The following TRDN variants were observed in gnomAD, a reference collection of about 807,000 sequenced individuals.
TRDN encodes triadin in skeletal muscle.
In TRDN, 161 loss-of-function variants were observed where a neutral mutation model predicts 149.7. The ratio of observed to expected loss-of-function variants is 1.08; its 90% confidence interval spans 0.95 to 1.23. The LOEUF (loss-of-function observed/expected upper bound fraction) is 1.23, where lower values mean the gene tolerates loss of function less well. Among genes scored for constraint, TRDN ranks in the 50% most tolerant of loss-of-function variants. The pLI, the probability that TRDN is intolerant of heterozygous loss-of-function variation, is 0.00. For missense variants in TRDN, 896 were observed against 823.5 expected (o/e 1.09, Z -1.08); for synonymous variants, 294 against 250.5 (o/e 1.17, Z -1.64).
intron 1 of TRDN, among the ~76,000 whole-genome samples, chr6:123,622,423 T>C (rs1012127947): frequency 2.0e-5 from 3 of 151,952 alleles, no homozygotes; most frequent in Non-Finnish European, 4.4e-5. Flanking sequence ...TGGTCAACAG[T>C]AGGCTATTAA....
chr6:123,251,428 T>A (rs549383574), intron 38 of TRDN, among the ~76,000 whole-genome samples: 1 of 152,026 alleles, frequency 6.6e-6, no homozygotes, highest in Admixed American at 6.6e-5. Flanking sequence ...AAAAAAAGAA[T>A]GTAGGGATAA....
At chr6:123,527,937 A>C (rs1780031685) in intron 5 of TRDN, among the ~76,000 whole-genome samples, 1 of 151,904 alleles carries the variant, frequency 6.6e-6, no homozygotes, top group Admixed American at 6.6e-5. Context: ...GTAAACCTTA[A>C]CTAACATGTC....
intron 21 of TRDN, among the ~76,000 whole-genome samples, chr6:123,341,086 TA>T (rs1449339252): frequency 6.6e-6 from 1 of 151,890 alleles, no homozygotes; most frequent in Admixed American, 6.6e-5. Context: ...CTCCAACATA[TA>T]AAATTTATAA....
chr6:123,620,670 A>C (rs1446398708), intron 1 of TRDN, among the ~76,000 whole-genome samples: 1 of 152,162 alleles, frequency 6.6e-6, no homozygotes, highest in Non-Finnish European at 1.5e-5. Flanking sequence ...CTTCCGTTAA[A>C]TTGAATATTG....
Position 123,556,468 on chromosome 6 carries a change from A to G in TRDN, c.233-7856T>C, listed in dbSNP as rs148508813. Among the ~76,000 whole-genome samples the G allele has an allele frequency of 4.3e-4, 66 of 152,300 alleles. 1 individual carries two copies. Among genetic ancestry groups the G allele is most frequent in the African/African-American group, 1.6e-3 (66 of 41,568 alleles). On this transcript the variant is annotated intron_variant, in intron 2 of 40. Coordinates refer to ENST00000334268, the MANE Select transcript of TRDN (RefSeq NM_006073.4). ...TAAAAGTTGGGTTAATAAAATTCCC[A>G]TGGTGCTTCTAATATTAACTTCACT...
At chr6:123,406,564 A>T (rs1191984431) in intron 12 of TRDN, among the ~76,000 whole-genome samples, 1 of 151,740 alleles carries the variant, frequency 6.6e-6, no homozygotes, top group African/African-American at 2.4e-5. Context: ...ATATAATATT[A>T]AATTTTATTT....
intron 23 of TRDN, among the ~76,000 whole-genome samples, chr6:123,321,375 A>T (rs1215815862): frequency 2.0e-5 from 3 of 151,736 alleles, no homozygotes; most frequent in African/African-American, 4.8e-5. Flanking sequence ...TTTTAAAATT[A>T]AAAAAAACAT....
At chr6:123,377,617 C>T (rs1781557741) in intron 18 of TRDN, 99 bp downstream of exon 18, 2 of 1,378,302 alleles carry the variant, frequency 1.5e-6, no homozygotes, top group East Asian at 4.6e-5. Flanking sequence ...AAGCATTCCC[C>T]ACCCTTTACT....
chr6:123,435,440 T>C (rs946146760), intron 12 of TRDN, among the ~76,000 whole-genome samples: 1 of 151,892 alleles, frequency 6.6e-6, no homozygotes, highest in Non-Finnish European at 1.5e-5. Flanking sequence ...AAAGAATTAT[T>C]AAACCCTAAA....
chr6:123,548,597 T>C lies in TRDN; in HGVS notation c.248A>G (p.Lys83Arg). The change falls in exon 3 of 41, where the codon AAG becomes AGG. Residue 83 changes from lysine (K) to arginine (R), a missense_variant. Lys to Arg is a conservative substitution (Grantham distance 26). Transcript: ENST00000334268. The stretch of plus-strand genomic sequence containing the variant: ...CAGTTTTAAAGGATCTGAGCCAATC[T>C]TGGCAATAGAGCTTGCTAAAAGTAA... ...YKNFSASSIA[K>R]IGSDPLKLVR... The C allele has an allele frequency of 6.9e-7, 1 of 1,452,542 alleles. No homozygotes were observed. Among genetic ancestry groups the C allele is most frequent in the Non-Finnish European group, 9.1e-7 (1 of 1,102,040 alleles). The allele number at this position is 1,452,542 out of a possible 1,614,324, so 90.0% of individuals were successfully genotyped here.
intron 4 of TRDN, among the ~76,000 whole-genome samples, chr6:123,532,718 AC>A (rs1221837342): frequency 1.1e-4 from 16 of 151,876 alleles, no homozygotes; most frequent in South Asian, 8.4e-4. Context: ...CCTGACTGAT[AC>A]ATTGAATTCA....
At chr6:123,424,653 C>T (rs952514315) in intron 12 of TRDN, among the ~76,000 whole-genome samples, 7 of 152,092 alleles carry the variant, frequency 4.6e-5, no homozygotes, top group South Asian at 2.1e-4. Context: ...GAAGAAATTT[C>T]GTCAAATAAC....
intron 23 of TRDN, among the ~76,000 whole-genome samples, chr6:123,319,667 A>G (rs1779169173): frequency 6.6e-6 from 1 of 152,056 alleles, no homozygotes; most frequent in East Asian, 1.9e-4. Flanking sequence ...TTATTCTTGT[A>G]TAATAATACA....
At chr6:123,281,664 C>T (rs533557919) in intron 24 of TRDN, among the ~76,000 whole-genome samples, 1 of 152,166 alleles carries the variant, frequency 6.6e-6, no homozygotes, top group African/African-American at 2.4e-5. Flanking sequence ...CAGTTGTGCT[C>T]TTAAAGCCCA....
At chr6:123,236,620 G>A (rs1341498958) in intron 38 of TRDN, among the ~76,000 whole-genome samples, 2 of 152,128 alleles carry the variant, frequency 1.3e-5, no homozygotes, top group African/African-American at 4.8e-5. Context: ...TGCACACTAT[G>A]TGAGGTTAAG....
At chr6:123,419,045 C>A (rs979033637) in intron 12 of TRDN, among the ~76,000 whole-genome samples, 1 of 151,920 alleles carries the variant, frequency 6.6e-6, no homozygotes, top group Non-Finnish European at 1.5e-5. Context: ...TGAACCTACT[C>A]CCAAAGGCCA....
chr6:123,452,515 C>T (rs113916950), intron 10 of TRDN, among the ~76,000 whole-genome samples: 22,922 of 148,072 alleles, frequency 0.15, 2,256 homozygotes, highest in African/African-American at 0.29. Flanking sequence ...AAAAAAAAAA[C>T]GTAAGATAGT....
intron 40 of TRDN, among the ~76,000 whole-genome samples, chr6:123,219,115 T>G (rs1775050527): frequency 6.6e-6 from 1 of 151,930 alleles, no homozygotes; most frequent in Non-Finnish European, 1.5e-5. Context: ...TTTCAAAATA[T>G]GAGCTTATCA....
At chr6:123,339,799 G>C (rs1326841441) in intron 21 of TRDN, among the ~76,000 whole-genome samples, 1 of 152,038 alleles carries the variant, frequency 6.6e-6, no homozygotes, top group Non-Finnish European at 1.5e-5. Flanking sequence ...TCTTTTTACC[G>C]GCATGTTTCA....
Sources: gnomAD v4.1 joint callset for allele counts (sites outside exome capture counted in the v4.1 genomes callset) on GRCh38, gnomAD v4.1.1 for gene constraint, MANE v1.5 for transcripts, NCBI Gene and HGNC (gene_info 2026-07-23, HGNC 2026-07-21) for gene names.